The following ARHGAP11B variants were observed in gnomAD, a reference collection of about 807,000 sequenced individuals.
ARHGAP11B encodes the protein inactive Rho GTPase-activating protein 11B.
Under a neutral mutation model 27.6 loss-of-function variants are expected in ARHGAP11B, and 14 were observed. That is an observed-to-expected ratio of 0.51 (90% CI 0.34 to 0.79). ARHGAP11B has a LOEUF of 0.79. Ranked by LOEUF, ARHGAP11B falls within the 30% of genes least tolerant of loss-of-function variation. The pLI, the probability that ARHGAP11B is intolerant of heterozygous loss-of-function variation, is 0.02. For missense variants in ARHGAP11B, 245 were observed against 320.1 expected (o/e 0.77, Z 1.79); for synonymous variants, 82 against 114.1 (o/e 0.72, Z 1.80).
At chr15:30,630,158 C>T (rs1171345177) in intron 1 of ARHGAP11B, among the ~76,000 whole-genome samples, 10 of 152,146 alleles carry the variant, frequency 6.6e-5, no homozygotes, top group Non-Finnish European at 1.5e-4. Flanking sequence ...TTGAAAAGCA[C>T]TCTTCTATAG....
chr15:30,647,372 C>T (rs540469717), intron 9 of ARHGAP11B, among the ~76,000 whole-genome samples: 66 of 151,958 alleles, frequency 4.3e-4, no homozygotes, highest in African/African-American at 1.6e-3. Flanking sequence ...AGTTCATTTG[C>T]TCCCAGGATA....
chr15:30,626,967 G>T lies in ARHGAP11B; in HGVS notation c.129+18G>T. On this transcript the variant is annotated intron_variant, in intron 1 of 10. Transcript: ENST00000428041. ...AAATAGGGGTAAGTTCTGTGAAAAG[G>T]GATTTAGGTTTAAAAGAAAGGGCAC... 6.2e-7 allele frequency: 1 copy of T among 1,611,438 alleles called. No individual in the cohort carries two copies. The highest frequency in any genetic ancestry group is 8.5e-7 in the Non-Finnish European group (1 of 1,178,994).
chr15:30,639,303 G>T (rs1184574432), intron 7 of ARHGAP11B, among the ~76,000 whole-genome samples: 1 of 151,148 alleles, frequency 6.6e-6, no homozygotes, highest in African/African-American at 2.4e-5. Flanking sequence ...ATTAGTTTTT[G>T]TTTCAACTCC....
chr15:30,632,144 G>A (rs1279322029), intron 2 of ARHGAP11B, among the ~76,000 whole-genome samples: 5 of 26,994 alleles, frequency 1.9e-4, no homozygotes, highest in African/African-American at 8.2e-4. Flanking sequence ...TAATTTAGCC[G>A]GGCGCGGGGG....
chr15:30,627,387 C>T (rs1258978178), intron 1 of ARHGAP11B, among the ~76,000 whole-genome samples: 3 of 152,074 alleles, frequency 2.0e-5, no homozygotes, highest in African/African-American at 7.2e-5. Flanking sequence ...AAACTCTACC[C>T]CTCCACCCTT....
chr15:30,630,267 C>T (rs2140890422), intron 1 of ARHGAP11B, among the ~76,000 whole-genome samples: 1 of 152,122 alleles, frequency 6.6e-6, no homozygotes, highest in East Asian at 1.9e-4. Context: ...TTTCAATTGA[C>T]TTAGTCTTTT....
rs1229712688 is a variant in ARHGAP11B, at chr15:30,646,767, T to C, written c.*324+472T>C. On this transcript the variant is annotated intron_variant, in intron 9 of 10. Coordinates refer to ENST00000428041, the Ensembl canonical transcript of ARHGAP11B. The stretch of plus-strand genomic sequence containing the variant: ...GGTGGATCACCTGAGGTCAGCAGTT[T>C]GAAACCAGCCTGGCCAACGTGGTGA... Among the ~76,000 whole-genome samples, 4 of 151,782 alleles carry C rather than the reference T, an allele frequency of 2.6e-5. No individual in the cohort carries two copies. The East Asian group carries it at 7.8e-4, about 30-fold the overall frequency.
chr15:30,645,571 C>T (rs2060342370), intron 8 of ARHGAP11B, among the ~76,000 whole-genome samples: 1 of 151,866 alleles, frequency 6.6e-6, no homozygotes, highest in African/African-American at 2.4e-5. Context: ...TTTCTTTTGT[C>T]TAAAGATTGA....
In ARHGAP11B at chr15:30,634,084, G is replaced by A. The variant is rs1025960625; in HGVS notation, c.298-86G>A. 5.3e-5 allele frequency: 81 copies of A among 1,533,950 alleles called. 1 individual carries two copies. Among genetic ancestry groups the A allele is most frequent in the Non-Finnish European group, 6.5e-5 (73 of 1,129,010 alleles). On this transcript the variant is annotated intron_variant, in intron 3 of 10. Coordinates refer to ENST00000428041, the Ensembl canonical transcript of ARHGAP11B. ...GTTAAGAGAAATTTATTAAAGAAAAGTGTAATTAGAGTATAACAAAAGATT... is the reference window on the plus strand; with the variant it reads ...GTTAAGAGAAATTTATTAAAGAAAAATGTAATTAGAGTATAACAAAAGATT...
chr15:30,642,327 C>G (rs1380740289), intron 7 of ARHGAP11B, among the ~76,000 whole-genome samples: 2 of 151,906 alleles, frequency 1.3e-5, no homozygotes, highest in Non-Finnish European at 2.9e-5. Context: ...TAATTGTTTA[C>G]TATAGTTGAT....
At position 30,634,966 on chromosome 15, in the gene ARHGAP11B, T is replaced by C. The variant is rs1034796003; in HGVS notation, c.552-114T>C. 7 of 1,167,714 alleles carry C rather than the reference T, an allele frequency of 6.0e-6. No individual in the cohort carries two copies. In the Admixed American group the frequency reaches 8.6e-5, roughly 14 times the overall value. The allele number at this position is 1,167,714 out of a possible 1,614,324, so 72.3% of individuals were successfully genotyped here. A position where few individuals can be genotyped will look rare whatever the true frequency, so the allele number is the denominator to read the frequency against. On this transcript the variant is annotated intron_variant, in intron 4 of 10. Coordinates refer to ENST00000428041, the Ensembl canonical transcript of ARHGAP11B. ...CAATCATGTAGATGAAGGGTAACTATTTTGACTTGTGTATGACTGATAATA... is the reference window on the plus strand; with the variant it reads ...CAATCATGTAGATGAAGGGTAACTACTTTGACTTGTGTATGACTGATAATA...
At chr15:30,628,794 G>A (rs912537017) in intron 1 of ARHGAP11B, among the ~76,000 whole-genome samples, 2 of 152,080 alleles carry the variant, frequency 1.3e-5, no homozygotes, top group Non-Finnish European at 2.9e-5. Context: ...GTGTTTGTTA[G>A]CTAACTGTAG....
intron 6 of ARHGAP11B, among the ~76,000 whole-genome samples, chr15:30,637,179 TC>T (rs1215229085): frequency 6.6e-6 from 1 of 151,626 alleles, no homozygotes; most frequent in Non-Finnish European, 1.5e-5. Context: ...AAATGTCAGT[TC>T]CACTTTACTA....
exon 1 of ARHGAP11B, chr15:30,626,818 G>A (rs1453414069): frequency 1.2e-6 from 2 of 1,613,566 alleles, no homozygotes; most frequent in African/African-American, 1.3e-5. Context: ...CGACGTATCC[G>A]GAATGTGGGA....
chr15:30,648,578 T>C (rs1178775148), exon 11 of ARHGAP11B, among the ~76,000 whole-genome samples: 1 of 152,082 alleles, frequency 6.6e-6, no homozygotes, highest in African/African-American at 2.4e-5. Flanking sequence ...CATAGATTTT[T>C]GTAATTATTC....
chr15:30,631,559 T>C (rs2060245558), intron 2 of ARHGAP11B, among the ~76,000 whole-genome samples: 1 of 151,856 alleles, frequency 6.6e-6, no homozygotes, highest in Non-Finnish European at 1.5e-5. Flanking sequence ...TCCCAGCTAC[T>C]CCTGAAGCTG....
intron 7 of ARHGAP11B, 76 bp downstream of exon 7, chr15:30,638,886 CAAT>C (rs1210312561): frequency 1.2e-6 from 1 of 833,044 alleles, no homozygotes; most frequent in African/African-American, 1.8e-5. Context: ...AATACAATTA[CAAT>C]AATAATTGCC....
intron 7 of ARHGAP11B, among the ~76,000 whole-genome samples, chr15:30,639,963 C>T (rs1394204507): frequency 7.4e-6 from 1 of 134,984 alleles, no homozygotes. Context: ...GACAGTGTTT[C>T]AATATAGAGT....
chr15:30,638,915 ATTTAG>A (rs1383715074), intron 7 of ARHGAP11B, 105 bp downstream of exon 7: 4 of 632,056 alleles, frequency 6.3e-6, no homozygotes, highest in Non-Finnish European at 7.2e-6. Flanking sequence ...TAGTAATCAA[ATTTAG>A]TTTAATCAAA....
Sources: allele counts gnomAD v4.1 joint callset (sites outside exome capture counted in the v4.1 genomes callset), GRCh38; gene constraint gnomAD v4.1.1; transcripts MANE v1.5; gene names NCBI Gene and HGNC (gene_info 2026-07-23, HGNC 2026-07-21).